The following EXOC4 variants were observed in gnomAD, a reference collection of about 807,000 sequenced individuals.
EXOC4 encodes SEC8-like 1.
Under a neutral mutation model 107.2 loss-of-function variants are expected in EXOC4, and 71 were observed. The observed-to-expected ratio is 0.66, with a 90% CI of 0.55 to 0.81. The LOEUF (loss-of-function observed/expected upper bound fraction) is 0.81, where lower values mean the gene tolerates loss of function less well. Ranked by LOEUF, EXOC4 falls within the 30% of genes least tolerant of loss-of-function variation. The pLI, the probability that EXOC4 is intolerant of heterozygous loss-of-function variation, is 0.00. For synonymous variants in EXOC4, 456 were observed against 441.2 expected (o/e 1.03, Z -0.42); for missense variants, 1,108 against 1,189.6 (o/e 0.93, Z 1.01).
intron 10 of EXOC4, among the ~76,000 whole-genome samples, chr7:133,757,148 C>G (rs2151146140): frequency 6.6e-6 from 1 of 152,262 alleles, no homozygotes; most frequent in Non-Finnish European, 1.5e-5. Context: ...AAGATGCCAT[C>G]CTTTTTTCCA....
intron 7 of EXOC4, among the ~76,000 whole-genome samples, chr7:133,389,289 G>A (rs1435292150): frequency 1.3e-5 from 2 of 151,866 alleles, no homozygotes; most frequent in African/African-American, 4.8e-5. Context: ...ATGGAGAGTC[G>A]GCTGGGCATG....
intron 4 of EXOC4, among the ~76,000 whole-genome samples, 192 bp from the exon 5 acceptor site, chr7:133,317,092 C>A (rs896113232): frequency 2.0e-5 from 3 of 152,044 alleles, no homozygotes; most frequent in African/African-American, 4.8e-5. Context: ...CATTTTTATA[C>A]CCCTGTCTGT....
intron 9 of EXOC4, among the ~76,000 whole-genome samples, chr7:133,578,198 A>G (rs1032305466): frequency 6.6e-6 from 1 of 152,082 alleles, no homozygotes; most frequent in East Asian, 1.9e-4. Context: ...TTTTGGTCCT[A>G]TTTATCCCTT....
chr7:133,643,405 C>T (rs563791022), intron 10 of EXOC4, among the ~76,000 whole-genome samples: 5 of 152,260 alleles, frequency 3.3e-5, no homozygotes, highest in African/African-American at 1.2e-4. Flanking sequence ...GTGGGTCTGC[C>T]TTTCCCAGCC....
intron 9 of EXOC4, among the ~76,000 whole-genome samples, chr7:133,578,568 T>A (rs1801183649): frequency 6.6e-6 from 1 of 152,210 alleles, no homozygotes. Flanking sequence ...ATTAGCAGGT[T>A]ATTTGTACAG....
intron 10 of EXOC4, among the ~76,000 whole-genome samples, chr7:133,747,271 T>C (rs1795696268): frequency 1.3e-5 from 2 of 152,282 alleles, no homozygotes; most frequent in South Asian, 4.2e-4. Flanking sequence ...AGATCTGTTG[T>C]TTAATATAAT....
At chr7:133,421,061 A>G (rs12540212) in intron 7 of EXOC4, among the ~76,000 whole-genome samples, 22,180 of 151,776 alleles carry the variant, frequency 0.15, 1,683 homozygotes, top group South Asian at 0.22. Context: ...TAGCAGAACA[A>G]TCTTGGGAAA....
At chr7:133,937,061 T>C (rs1214378939) in intron 13 of EXOC4, among the ~76,000 whole-genome samples, 26 of 152,314 alleles carry the variant, frequency 1.7e-4, no homozygotes, top group Admixed American at 6.5e-5. Context: ...TCATGTGTCA[T>C]GTAGGCAGAA....
rs954161044 is a variant in EXOC4 at position 133,480,475 on chromosome 7, T to G, written c.1417+337T>G. 5 of 1,098,810 alleles carry G rather than the reference T, an allele frequency of 4.6e-6. No individual in the cohort carries two copies. The African/African-American group carries it at 8.0e-5, about 18-fold the overall frequency. 68.1% of individuals were successfully genotyped at this position (1,098,810 alleles called of 1,614,324 possible). ...GACTGCCACTGTTACTTCTAATTGT[T>G]GTTTTTGACACCTTCTAGAATATGA... is the stretch of plus-strand genomic sequence containing the variant. On this transcript the variant is annotated intron_variant, in intron 9 of 17. Coordinates refer to ENST00000253861, the MANE Select transcript of EXOC4 (RefSeq NM_021807.4).
intron 6 of EXOC4, among the ~76,000 whole-genome samples, chr7:133,357,847 G>A (rs1438279493): frequency 6.6e-6 from 1 of 152,078 alleles, no homozygotes; most frequent in Non-Finnish European, 1.5e-5. Flanking sequence ...TACTATGTTT[G>A]GTGAATGGAA....
chr7:134,007,650 T>C (rs1794672275), intron 16 of EXOC4, 26 bp from the exon 17 acceptor site: 1 of 1,528,524 alleles, frequency 6.5e-7, no homozygotes, highest in African/African-American at 1.4e-5. Flanking sequence ...CCGTTTTCTT[T>C]GCCCCGCACT....
At chr7:133,907,335 A>C (rs1799588332) in intron 12 of EXOC4, among the ~76,000 whole-genome samples, 1 of 151,970 alleles carries the variant, frequency 6.6e-6, no homozygotes, top group South Asian at 2.1e-4. Flanking sequence ...GACTTTTAAA[A>C]TATATTATTT....
At chr7:133,887,729 A>T (rs1369318931) in intron 11 of EXOC4, among the ~76,000 whole-genome samples, 1 of 152,206 alleles carries the variant, frequency 6.6e-6, no homozygotes, top group Non-Finnish European at 1.5e-5. Context: ...CCTCATGCTC[A>T]TCTTCCCTGC....
intron 6 of EXOC4, among the ~76,000 whole-genome samples, chr7:133,370,092 T>A (rs547701448): frequency 1.1e-4 from 16 of 152,010 alleles, no homozygotes; most frequent in East Asian, 3.9e-4. Flanking sequence ...GTGCCTGGCC[T>A]CCTTCCAGAT....
intron 13 of EXOC4, among the ~76,000 whole-genome samples, chr7:133,932,381 A>G (rs1289044257): frequency 6.6e-6 from 1 of 152,158 alleles, no homozygotes; most frequent in African/African-American, 2.4e-5. Flanking sequence ...AAACCCAACA[A>G]AAAATTCTTT....
intron 7 of EXOC4, among the ~76,000 whole-genome samples, chr7:133,383,514 T>C (rs1796663472): frequency 6.6e-6 from 1 of 152,188 alleles, no homozygotes; most frequent in Non-Finnish European, 1.5e-5. Context: ...TTAACTGCCA[T>C]ATAAATGTTT....
chr7:133,670,105 G>C lies in EXOC4; in HGVS notation c.1514+39964G>C, dbSNP rs570812431. Among the ~76,000 whole-genome samples, 79 of 152,192 alleles carry C rather than the reference G, an allele frequency of 5.2e-4. 2 individuals carry two copies. The South Asian group carries it at 0.016, about 30-fold the overall frequency. On this transcript the variant is annotated intron_variant, in intron 10 of 17. Coordinates refer to ENST00000253861, the MANE Select transcript of EXOC4 (RefSeq NM_021807.4). The stretch of plus-strand genomic sequence containing the variant: ...GATTGCAAATAACTGCTGTGGCGAG[G>C]GTGTTTCTTTGTGAATTTGAAGTGT...
At chr7:133,630,422 C>T (rs1014320150) in intron 10 of EXOC4, among the ~76,000 whole-genome samples, 3 of 152,028 alleles carry the variant, frequency 2.0e-5, no homozygotes, top group African/African-American at 7.2e-5. Context: ...CCCTCCCTCT[C>T]TCTGTTTTAT....
At chr7:134,030,935 A>G (rs181171410) in intron 17 of EXOC4, among the ~76,000 whole-genome samples, 32 of 152,160 alleles carry the variant, frequency 2.1e-4, no homozygotes, top group Admixed American at 2.0e-3. Context: ...AACTTTTGCC[A>G]CCACCCTGAC....
Sources: gnomAD v4.1 joint callset for allele counts (sites outside exome capture counted in the v4.1 genomes callset) on GRCh38, gnomAD v4.1.1 for gene constraint, MANE v1.5 for transcripts, NCBI Gene and HGNC (gene_info 2026-07-23, HGNC 2026-07-21) for gene names.